Variants in ITGAM observed in about 807,000 individuals in gnomAD.
ITGAM encodes integrin alpha-M.
Under a neutral mutation model 137.5 loss-of-function variants are expected in ITGAM, and 79 were observed. The observed-to-expected ratio is 0.57, with a 90% CI of 0.48 to 0.69. The LOEUF (loss-of-function observed/expected upper bound fraction) is 0.69. ITGAM is among the 30% of genes least tolerant of loss of function. ITGAM has a pLI of 0.00. For missense variants in ITGAM, 1,343 were observed against 1,483.5 expected, an observed-to-expected ratio of 0.91 and a Z score of 1.56; for synonymous variants, 583 against 592.3, an observed-to-expected ratio of 0.98 and a Z score of 0.23.
At position 31,297,486 on chromosome 16, in the gene ITGAM, T is replaced by G. The variant is rs570254006; in HGVS notation, c.1357-28T>G. On this transcript the variant is annotated intron_variant, in intron 12 of 29. Coordinates refer to ENST00000544665, the MANE Select transcript of ITGAM (RefSeq NM_000632.4). Reference sequence around the variant, plus strand: ...CACATCTGCTTTAGGTGGGAAGAGGTGTGTGATTACGGTCCTGTCTCTTTC... The same window carrying G: ...CACATCTGCTTTAGGTGGGAAGAGGGGTGTGATTACGGTCCTGTCTCTTTC... 2.5e-6 allele frequency: 4 copies of G among 1,611,346 alleles called. No individual in the cohort carries two copies. In the African/African-American group the frequency reaches 5.3e-5, roughly 22 times the overall value.
chr16:31,307,141 G>A, intron 14 of ITGAM, among the ~76,000 whole-genome samples: 1 of 152,070 alleles, frequency 6.6e-6, no homozygotes, highest in Non-Finnish European at 1.5e-5. Flanking sequence ...CTCTTTTTTG[G>A]TTCCATATGA....
At chr16:31,274,408 T>C (rs147758638) in intron 8 of ITGAM, among the ~76,000 whole-genome samples, 2 of 152,246 alleles carry the variant, frequency 1.3e-5, no homozygotes, top group Non-Finnish European at 2.9e-5. Flanking sequence ...GAGTCTTTGA[T>C]ACGGCAGAGC....
chr16:31,331,340 C>G, intron 29 of ITGAM, 65 bp downstream of exon 29: 1 of 935,388 alleles, frequency 1.1e-6, no homozygotes, highest in African/African-American at 1.6e-5. Context: ...CAGCTCCGTG[C>G]CTCGGTTTCC....
chr16:31,270,853 G>T, intron 5 of ITGAM, 101 bp from the exon 6 acceptor site: 1 of 537,842 alleles, frequency 1.9e-6, no homozygotes, highest in Non-Finnish European at 3.0e-6. Flanking sequence ...TATAGAGACG[G>T]GGTCCTATAT....
chr16:31,270,697 G>GTCTATA, intron 5 of ITGAM, among the ~76,000 whole-genome samples: 1 of 19,356 alleles, frequency 5.2e-5, no homozygotes, highest in Admixed American at 6.5e-4. Flanking sequence ...ACGTGTGTGT[G>GTCTATA]TGTATATATA....
rs988032927 is a variant in ITGAM, at chr16:31,331,263, C to T, written c.3375C>T (p.Ala1125=). ...GGLLLLALIT[A]ALYKLGFFKR... ...TGCTGCTCCTGGCCCTCATCACCGCCGCGCTGTACAAGGTGCTCCCCGCTG... is the reference window on the plus strand; with the variant it reads ...TGCTGCTCCTGGCCCTCATCACCGCTGCGCTGTACAAGGTGCTCCCCGCTG... The change falls in exon 29 of 30, where the codon GCC becomes GCT. Residue 1125 remains alanine (A), a synonymous_variant. Coordinates refer to ENST00000544665, the MANE Select transcript of ITGAM (RefSeq NM_000632.4). 1.9e-6 allele frequency: 3 copies of T among 1,608,966 alleles called. No homozygotes were observed. The highest frequency in any genetic ancestry group is 2.5e-6 in the Non-Finnish European group (3 of 1,176,480).
intron 14 of ITGAM, among the ~76,000 whole-genome samples, chr16:31,320,808 C>T (rs74792333): frequency 0.031 from 4,654 of 152,162 alleles, 113 homozygotes; most frequent in Non-Finnish European, 0.052. Flanking sequence ...ATTCTGACTA[C>T]GTAAATGAAA....
intron 12 of ITGAM, among the ~76,000 whole-genome samples, chr16:31,291,298 C>T (rs577771355): frequency 3.3e-5 from 5 of 152,262 alleles, no homozygotes; most frequent in East Asian, 3.9e-4. Flanking sequence ...GCGATAAACA[C>T]GGGAGTGCAG....
Position 31,324,785 on chromosome 16 carries a change from G to A in ITGAM, c.2289+3G>A, listed in dbSNP as rs2080489407. On this transcript the variant is annotated splice_donor_region_variant and intron_variant, in intron 18 of 29. Coordinates refer to ENST00000544665, the MANE Select transcript of ITGAM (RefSeq NM_000632.4). This position sits in a 1 kb window ranked among gnomAD's most constrained non-coding sequence, Gnocchi z 4.5. ...CTCAGAGACTCTTCACAGCCTTGGT[G>A]AGTCCAGAGTTGGGGTCCTGCAGGG... 1.3e-6 allele frequency: 2 copies of A among 1,551,158 alleles called. No homozygotes were observed. The highest frequency in any genetic ancestry group is 2.7e-5 in the African/African-American group (2 of 72,732).
intron 14 of ITGAM, among the ~76,000 whole-genome samples, chr16:31,320,895 T>G (rs1184657673): frequency 1.3e-5 from 2 of 152,158 alleles, no homozygotes; most frequent in Non-Finnish European, 2.9e-5. Flanking sequence ...AAATTGGGGT[T>G]GGGCGTGGCG....
chr16:31,263,981 GC>G (rs2079735445), intron 2 of ITGAM, among the ~76,000 whole-genome samples: 1 of 151,684 alleles, frequency 6.6e-6, no homozygotes, highest in Non-Finnish European at 1.5e-5. Flanking sequence ...GACTACAGGT[GC>G]GTGCCACCAC....
intron 12 of ITGAM, among the ~76,000 whole-genome samples, chr16:31,294,041 G>A (rs909660535): frequency 6.6e-6 from 1 of 151,950 alleles, no homozygotes; most frequent in Non-Finnish European, 1.5e-5. Flanking sequence ...CCCAGCTCTT[G>A]TTGGTGTATA....
chr16:31,327,791 A>AT (rs1181891656), intron 22 of ITGAM, among the ~76,000 whole-genome samples: 1 of 152,078 alleles, frequency 6.6e-6, no homozygotes, highest in Non-Finnish European at 1.5e-5. Context: ...TGGTGGTTAG[A>AT]TACAGGCCAT....
At chr16:31,283,142 G>T (rs1337648863) in intron 12 of ITGAM, among the ~76,000 whole-genome samples, 3 of 151,756 alleles carry the variant, frequency 2.0e-5, no homozygotes, top group Admixed American at 2.0e-4. Context: ...CTCTCTGGCT[G>T]CCCTTAACAT....
intron 16 of ITGAM, among the ~76,000 whole-genome samples, chr16:31,322,473 G>A (rs954710388): frequency 6.6e-6 from 1 of 152,142 alleles, no homozygotes. Context: ...CTTAAGACAC[G>A]AATGCCTAGG....
rs2144514354 is a variant in ITGAM, at chr16:31,331,803, G to A, written c.*96G>A. 1.0e-6 allele frequency: 1 copy of A among 953,472 alleles called. No individual in the cohort carries two copies. The highest frequency in any genetic ancestry group is 2.6e-5 in the East Asian group (1 of 37,942). 59.1% of individuals were successfully genotyped at this position (953,472 alleles called of 1,614,324 possible). A position where few individuals can be genotyped will look rare whatever the true frequency, so the allele number is the denominator to read the frequency against. On this transcript the variant is annotated 3_prime_UTR_variant, in exon 30 of 30. Coordinates refer to ENST00000544665, the MANE Select transcript of ITGAM (RefSeq NM_000632.4). ...GCTGCTGGACACGTCGGACAGCGAA[G>A]TATCCCCGACAGGACGGGCTTGGGC...
At position 31,273,594 on chromosome 16, in the gene ITGAM, A is replaced by AT. The variant is rs557571608; in HGVS notation, c.858+77dup. 40 of 1,440,432 alleles carry AT rather than the reference A, an allele frequency of 2.8e-5. No individual in the cohort carries two copies. The African/African-American group carries it at 4.1e-4, about 15-fold the overall frequency. 89.2% of individuals were successfully genotyped at this position (1,440,432 alleles called of 1,614,324 possible). A position where few individuals can be genotyped will look rare whatever the true frequency, so the allele number is the denominator to read the frequency against. On this transcript the variant is annotated intron_variant, in intron 8 of 29. Transcript: ENST00000544665. ...GATCCATCCTCCCTTCAATTTGCAAATATTATTAAAATCAAAGTGACATGA... is the reference window on the plus strand; with the variant it reads ...GATCCATCCTCCCTTCAATTTGCAAATTATTATTAAAATCAAAGTGACATGA...
intron 14 of ITGAM, among the ~76,000 whole-genome samples, chr16:31,306,209 G>A (rs2080263006): frequency 6.6e-6 from 1 of 152,112 alleles, no homozygotes; most frequent in African/African-American, 2.4e-5. Flanking sequence ...TGATTTAGCA[G>A]GCCATCCTTT....
intron 10 of ITGAM, 50 bp from the exon 11 acceptor site, chr16:31,276,870 C>T (rs539213111): frequency 1.1e-5 from 18 of 1,594,402 alleles, no homozygotes; most frequent in East Asian, 6.7e-5. Context: ...TGAGGGGCAG[C>T]GGTTGTCCCT....
Sources: allele counts gnomAD v4.1 joint callset (sites outside exome capture counted in the v4.1 genomes callset), GRCh38; gene constraint gnomAD v4.1.1; non-coding constraint Gnocchi (gnomAD v3.1); transcripts MANE v1.5; gene names NCBI Gene and HGNC (gene_info 2026-07-23, HGNC 2026-07-21).